The following NETO1 variants were observed in gnomAD, a reference collection of about 807,000 sequenced individuals.
The protein encoded by NETO1 is neuropilin and tolloid like 1, also known as neuropilin and tolloid-like protein 1.
NETO1 carries 26 observed loss-of-function variants against 61.3 expected under a neutral mutation model. The ratio of observed to expected loss-of-function variants is 0.42; its 90% CI spans 0.31 to 0.59. The LOEUF is 0.59. Ranked by LOEUF, NETO1 falls within the 20% of genes least tolerant of loss-of-function variation. NETO1 has a pLI of 0.12. For synonymous variants in NETO1, 225 were observed against 225.8 expected, an observed-to-expected ratio of 1.00 and a Z score of 0.03; for missense variants, 531 against 662.8, an observed-to-expected ratio of 0.80 and a Z score of 2.18.
chr18:72,859,041 T>C lies in NETO1; in HGVS notation c.254A>G (p.Asp85Gly), dbSNP rs779668047. The change falls in exon 4 of 11, where the codon GAT (aspartate) becomes GGT (glycine). Residue 85 changes from aspartate (D) to glycine (G), a missense_variant. Transcript: ENST00000327305. Reference sequence around the variant, plus strand: ...AGACGGTTCAATAGAGTACTTTTCATCAAAGTAAAGTTCAATGCACTGTCT... The same window carrying C: ...AGACGGTTCAATAGAGTACTTTTCACCAAAGTAAAGTTCAATGCACTGTCT... ...APRQCIELYF[D>G]EKYSIEPSWE... is the part of the protein sequence containing the mutation. The C allele has an allele frequency of 1.2e-6, 2 of 1,613,334 alleles. No individual in the cohort carries two copies. The highest frequency in any genetic ancestry group is 2.2e-5 in the East Asian group (1 of 44,834).
At chr18:72,765,880 C>T (rs544926319) in intron 7 of NETO1, among the ~76,000 whole-genome samples, 1 of 152,102 alleles carries the variant, frequency 6.6e-6, no homozygotes, top group African/African-American at 2.4e-5. Flanking sequence ...ACTGAAGATG[C>T]AAATTTTTAA....
chr18:72,767,023 G>A (rs964649097), intron 7 of NETO1, among the ~76,000 whole-genome samples: 2 of 152,160 alleles, frequency 1.3e-5, no homozygotes, highest in Non-Finnish European at 2.9e-5. Flanking sequence ...GTGGGCCAGT[G>A]TTGGTTTTCA....
At chr18:72,843,848 C>A in intron 4 of NETO1, among the ~76,000 whole-genome samples, 1 of 152,184 alleles carries the variant, frequency 6.6e-6, no homozygotes, top group East Asian at 1.9e-4. Flanking sequence ...GAGGCTAGGA[C>A]TGAATAAAAT....
intron 7 of NETO1, among the ~76,000 whole-genome samples, chr18:72,775,528 C>A (rs1332598298): frequency 6.6e-6 from 1 of 152,074 alleles, no homozygotes; most frequent in Non-Finnish European, 1.5e-5. Flanking sequence ...ACGTGGCATG[C>A]TATATGATTA....
intron 8 of NETO1, among the ~76,000 whole-genome samples, chr18:72,751,335 G>A (rs1393402720): frequency 6.6e-6 from 1 of 152,170 alleles, no homozygotes; most frequent in Non-Finnish European, 1.5e-5. Flanking sequence ...GTGAGAGTCT[G>A]TGGCATTTGA....
intron 4 of NETO1, among the ~76,000 whole-genome samples, chr18:72,844,578 T>A (rs1381635495): frequency 6.6e-6 from 1 of 152,246 alleles, no homozygotes; most frequent in Non-Finnish European, 1.5e-5. Context: ...TGGTCTTGTC[T>A]ACCAGATACG....
chr18:72,862,655 C>CT (rs1407745738), intron 3 of NETO1, among the ~76,000 whole-genome samples: 1 of 138,796 alleles, frequency 7.2e-6, no homozygotes, highest in Admixed American at 8.0e-5. Flanking sequence ...GAGTCTCGCT[C>CT]TGTCACCCGG....
intron 7 of NETO1, among the ~76,000 whole-genome samples, chr18:72,759,051 C>G (rs1322305523): frequency 6.6e-6 from 1 of 152,160 alleles, no homozygotes; most frequent in Admixed American, 6.5e-5. Flanking sequence ...TGGTTAAGAA[C>G]TACAATGGCA....
intron 1 of NETO1, 109 bp downstream of exon 1, chr18:72,867,155 A>T: frequency 1.3e-6 from 1 of 791,956 alleles, no homozygotes; most frequent in Non-Finnish European, 1.9e-6. Flanking sequence ...GCGGGACTGC[A>T]GGGTCCGCCG....
chr18:72,832,003 G>A (rs2073596860), intron 4 of NETO1, among the ~76,000 whole-genome samples: 3 of 152,066 alleles, frequency 2.0e-5, no homozygotes, highest in African/African-American at 7.2e-5. Context: ...TCCTTAAAGT[G>A]ATGTACTTAT....
intron 4 of NETO1, among the ~76,000 whole-genome samples, chr18:72,837,075 T>G (rs1363068384): frequency 2.6e-5 from 4 of 152,210 alleles, no homozygotes; most frequent in Non-Finnish European, 1.5e-5. Flanking sequence ...AATATTGTGC[T>G]AATCTTCAAT....
At position 72,858,853 on chromosome 18, in the gene NETO1, A is replaced by T; in HGVS notation, c.442T>A (p.Phe148Ile). The change falls in exon 4 of 11, where the codon TTT becomes ATT. Residue 148 changes from phenylalanine (F) to isoleucine (I), a missense_variant. Transcript: ENST00000327305. ...FADGELESMG[F>I]SARYNFTPDP... The stretch of plus-strand genomic sequence containing the variant: ...GGTGTGAAATTGTATCGAGCTGAAA[A>T]TCCCATAGATTCCAGCTCTCCATCA... 6.2e-7 allele frequency: 1 copy of T among 1,612,862 alleles called. No homozygotes were observed. Among genetic ancestry groups the T allele is most frequent in the Non-Finnish European group, 8.5e-7 (1 of 1,179,516 alleles).
intron 6 of NETO1, among the ~76,000 whole-genome samples, chr18:72,793,173 C>T (rs1233198806): frequency 6.6e-6 from 1 of 152,116 alleles, no homozygotes; most frequent in Non-Finnish European, 1.5e-5. Flanking sequence ...GTCACAAAAT[C>T]AATTAATGAA....
rs562673212 is a variant in NETO1, at chr18:72,822,354, T to C, written c.470-27950A>G. 2.0e-5 allele frequency among the ~76,000 whole-genome samples: 3 copies of C among 152,046 alleles called. No homozygotes were observed. The South Asian group carries it at 6.2e-4, about 32-fold the overall frequency. On this transcript the variant is annotated intron_variant, in intron 4 of 10. Transcript: ENST00000327305. ...GGGCTCCCAAAGCCAGGAAGCTGCC[T>C]GGGAAAGCGGGCACTGGGCGGCACC...
chr18:72,840,557 A>G (rs1161768832), intron 4 of NETO1, among the ~76,000 whole-genome samples: 1 of 152,260 alleles, frequency 6.6e-6, no homozygotes, highest in Admixed American at 6.5e-5. Context: ...AAAGCCTGTT[A>G]GTAGCCTAGA....
chr18:72,863,863 T>G (rs78963191), intron 3 of NETO1, among the ~76,000 whole-genome samples: 1 of 152,182 alleles, frequency 6.6e-6, no homozygotes, highest in South Asian at 2.1e-4. Flanking sequence ...GTACTAACAG[T>G]TGGAATACTG....
intron 4 of NETO1, among the ~76,000 whole-genome samples, chr18:72,847,781 T>C (rs919503236): frequency 6.6e-6 from 1 of 152,218 alleles, no homozygotes; most frequent in Non-Finnish European, 1.5e-5. Flanking sequence ...ACCCAAATTA[T>C]TATGTTCTCC....
In NETO1 at chr18:72,750,107, G is replaced by T; in HGVS notation, c.1496C>A (p.Pro499Gln). ...ACDIDEIEEV[P>Q]TTSHRLSRHD... ...TCTGGACAGCCTGTGACTGGTGGTC[G>T]GCACCTCTTCGATTTCATCTATGTC... Residue 499 changes from proline (P) to glutamine (Q), a missense_variant, in exon 9 of 11, where the codon CCG becomes CAG. Pro to Gln is a moderately conservative substitution (Grantham distance 76). Coordinates refer to ENST00000327305, the MANE Select transcript of NETO1 (RefSeq NM_138966.5). 6.2e-7 allele frequency: 1 copy of T among 1,609,734 alleles called. No individual in the cohort carries two copies. The highest frequency in any genetic ancestry group is 1.1e-5 in the South Asian group (1 of 90,452).
At chr18:72,785,667 C>A (rs546072803) in intron 6 of NETO1, among the ~76,000 whole-genome samples, 1 of 152,302 alleles carries the variant, frequency 6.6e-6, no homozygotes, top group South Asian at 2.1e-4. Flanking sequence ...TTAGGCATAG[C>A]TGAAATTTGT....
Sources: allele counts gnomAD v4.1 joint callset (sites outside exome capture counted in the v4.1 genomes callset), GRCh38; gene constraint gnomAD v4.1.1; transcripts MANE v1.5; gene names NCBI Gene and HGNC (gene_info 2026-07-23, HGNC 2026-07-21).